FCHSD2: variants seen among roughly 807,000 people sequenced by gnomAD.
The protein encoded by FCHSD2 is F-BAR and double SH3 domains protein 2.
A neutral mutation model predicts 108.1 loss-of-function variants in FCHSD2; 38 were observed. The observed-to-expected ratio is 0.35, with a 90% CI of 0.27 to 0.46. FCHSD2 has a LOEUF of 0.46. Among genes scored for constraint, FCHSD2 ranks in the 20% least tolerant of loss-of-function variants. The probability of loss-of-function intolerance (pLI) is 1.00; values close to 1 mark genes in which losing one functional copy is unlikely to be tolerated. For synonymous variants in FCHSD2, 279 were observed against 314.7 expected, an observed-to-expected ratio of 0.89 and a Z score of 1.20; for missense variants, 751 against 897.8, an observed-to-expected ratio of 0.84 and a Z score of 2.09.
At chr11:72,894,242 GAGAGACA>G (rs1266232072) in intron 10 of FCHSD2, among the ~76,000 whole-genome samples, 1 of 152,194 alleles carries the variant, frequency 6.6e-6, no homozygotes, top group Non-Finnish European at 1.5e-5. Context: ...TCAGTTTACT[GAGAGACA>G]AGAAATATAC....
At chr11:72,918,860 A>AC (rs1855926584) in intron 9 of FCHSD2, among the ~76,000 whole-genome samples, 1 of 152,194 alleles carries the variant, frequency 6.6e-6, no homozygotes, top group Non-Finnish European at 1.5e-5. Flanking sequence ...CAGTAGAGCT[A>AC]CCTTCAGAGT....
intron 13 of FCHSD2, among the ~76,000 whole-genome samples, chr11:72,853,447 C>G (rs183547931): frequency 2.4e-3 from 359 of 152,304 alleles, no homozygotes; most frequent in African/African-American, 8.1e-3. Flanking sequence ...CAGAGTCTCG[C>G]TCTGTTGCCC....
At chr11:72,955,097 G>A (rs1451459362) in intron 8 of FCHSD2, among the ~76,000 whole-genome samples, 9 of 152,124 alleles carry the variant, frequency 5.9e-5, no homozygotes, top group Non-Finnish European at 1.0e-4. Flanking sequence ...CCTGGAGAGC[G>A]TCAGGTCTCA....
chr11:72,963,409 T>C (rs910486370), intron 8 of FCHSD2, among the ~76,000 whole-genome samples: 3 of 152,144 alleles, frequency 2.0e-5, no homozygotes, highest in African/African-American at 4.8e-5. Context: ...AAGTGAGGCA[T>C]ACAGAAGGGA....
In FCHSD2 at chr11:72,984,096, T is replaced by C. The variant is rs1857266603; in HGVS notation, c.697A>G (p.Ile233Val). The C allele has an allele frequency of 6.2e-7, 1 of 1,612,264 alleles. No homozygotes were observed. Among genetic ancestry groups the C allele is most frequent in the African/African-American group, 1.3e-5 (1 of 75,038 alleles). ...DRYYQTDLVN[I>V]MKALDGNVYD... ...TATGAAAGCTGTATTACCTTCATAA[T>C]GTTAACTAAATCTGTTTGATAGTAG... The change falls in exon 8 of 20, where the codon ATT (isoleucine) becomes GTT (valine). Residue 233 changes from isoleucine (I) to valine (V), a missense_variant. By Grantham distance (29) the Ile-to-Val change is conservative. Transcript: ENST00000409418.
In FCHSD2 at chr11:72,860,817, G is replaced by GA. The variant is rs889576928; in HGVS notation, c.1308+7047dup. 4.2e-3 allele frequency among the ~76,000 whole-genome samples: 580 copies of GA among 138,644 alleles called. 3 individuals carry two copies. Among genetic ancestry groups the GA allele is most frequent in the Middle Eastern group, 0.022 (6 of 268 alleles). The allele number at this position is 138,644 out of a possible 152,430, so 91.0% of individuals were successfully genotyped here. On this transcript the variant is annotated intron_variant, in intron 13 of 19. Coordinates refer to ENST00000409418, the MANE Select transcript of FCHSD2 (RefSeq NM_014824.3). ...TGAGTGACAGAGCAAGACTCTGTTT[G>GA]AAAAAAAAAAAAATGTAAATTAGAA... is the stretch of plus-strand genomic sequence containing the variant.
rs909631864 is a variant in FCHSD2, at chr11:72,911,828, T to C, written c.829-9190A>G. Among the ~76,000 whole-genome samples the C allele has an allele frequency of 8.5e-5, 13 of 152,224 alleles. 1 individual carries two copies. Among genetic ancestry groups the C allele is most frequent in the Non-Finnish European group, 1.8e-4 (12 of 68,042 alleles). ...ATCTCTTGAATTCAAGCGATTCTCCTGTCTCAGCCTCCCAATTTCTTTCAT... is the reference window on the plus strand; with the variant it reads ...ATCTCTTGAATTCAAGCGATTCTCCCGTCTCAGCCTCCCAATTTCTTTCAT... On this transcript the variant is annotated intron_variant, in intron 9 of 19. Transcript: ENST00000409418.
intron 6 of FCHSD2, among the ~76,000 whole-genome samples, chr11:72,986,241 G>A (rs1376366828): frequency 2.0e-5 from 3 of 152,048 alleles, no homozygotes; most frequent in Non-Finnish European, 2.9e-5. Flanking sequence ...ACGGAGTCTC[G>A]CTCTGTTGCC....
At chr11:72,882,099 C>T (rs1219521858) in intron 12 of FCHSD2, among the ~76,000 whole-genome samples, 3 of 151,498 alleles carry the variant, frequency 2.0e-5, no homozygotes, top group African/African-American at 7.3e-5. Flanking sequence ...GAGCCGAAAT[C>T]GCGCCACTGC....
chr11:73,118,810 C>T (rs1860664485), intron 2 of FCHSD2, among the ~76,000 whole-genome samples: 1 of 152,134 alleles, frequency 6.6e-6, no homozygotes, highest in African/African-American at 2.4e-5. Flanking sequence ...ATTACCATTT[C>T]TGTTTTACAG....
intron 12 of FCHSD2, among the ~76,000 whole-genome samples, chr11:72,884,814 C>T (rs1470274950): frequency 1.3e-5 from 2 of 152,010 alleles, no homozygotes; most frequent in African/African-American, 4.8e-5. Flanking sequence ...AGGCTGCTCT[C>T]AAACTCCTGA....
intron 2 of FCHSD2, among the ~76,000 whole-genome samples, chr11:73,108,203 C>A (rs2135541494): frequency 6.6e-6 from 1 of 152,320 alleles, no homozygotes; most frequent in African/African-American, 2.4e-5. Flanking sequence ...TCAATGACTT[C>A]TTTTGAAAAA....
chr11:72,900,224 A>AACCAACCC, intron 10 of FCHSD2: 1 of 582,254 alleles, frequency 1.7e-6, no homozygotes, highest in Non-Finnish European at 3.3e-6. Context: ...CACACTTCCC[A>AACCAACCC]TCCCTCCCGC....
At chr11:73,010,429 G>T (rs940805761) in intron 4 of FCHSD2, among the ~76,000 whole-genome samples, 1 of 152,150 alleles carries the variant, frequency 6.6e-6, no homozygotes, top group African/African-American at 2.4e-5. Context: ...TGTTACTAGA[G>T]AATTATGTTA....
At chr11:72,906,322 C>CTAG (rs1365606343) in intron 9 of FCHSD2, among the ~76,000 whole-genome samples, 3 of 152,074 alleles carry the variant, frequency 2.0e-5, no homozygotes, top group Non-Finnish European at 2.9e-5. Context: ...ATTCTGGATA[C>CTAG]TAGCCCTTTG....
At chr11:73,087,219 C>CA (rs1178488128) in intron 2 of FCHSD2, among the ~76,000 whole-genome samples, 1 of 150,342 alleles carries the variant, frequency 6.7e-6, no homozygotes. Context: ...TTTAAAAGTA[C>CA]AAAAAAATAA....
intron 3 of FCHSD2, among the ~76,000 whole-genome samples, chr11:73,082,335 C>CCAAAAAAAAAAAA (rs1466695525): frequency 1.5e-4 from 5 of 34,462 alleles, no homozygotes; most frequent in African/African-American, 5.4e-4. Flanking sequence ...AGACTTGTCC[C>CCAAAAAAAAAAAA]AAAAAAAAAA....
At chr11:73,087,708 A>T (rs1859855821) in intron 2 of FCHSD2, among the ~76,000 whole-genome samples, 1 of 151,664 alleles carries the variant, frequency 6.6e-6, no homozygotes, top group Admixed American at 6.6e-5. Flanking sequence ...TTGTCTCAAA[A>T]AAAAAAAAAA....
At chr11:73,092,159 G>T (rs181799148) in intron 2 of FCHSD2, among the ~76,000 whole-genome samples, 1 of 152,234 alleles carries the variant, frequency 6.6e-6, no homozygotes, top group Non-Finnish European at 1.5e-5. Context: ...GTAGGGTCTT[G>T]CTCCATCACT....
Sources: allele counts gnomAD v4.1 joint callset (sites outside exome capture counted in the v4.1 genomes callset), GRCh38; gene constraint gnomAD v4.1.1; transcripts MANE v1.5; gene names NCBI Gene and HGNC (gene_info 2026-07-23, HGNC 2026-07-21).